The following RAP1GAP2 variants were observed in gnomAD, a reference collection of about 807,000 sequenced individuals.
RAP1GAP2 encodes RAP1 GTPase activating protein 2.
Under a neutral mutation model 95.0 loss-of-function variants are expected in RAP1GAP2, and 27 were observed. The observed-to-expected ratio is 0.28, with a 90% CI of 0.21 to 0.39. The LOEUF (loss-of-function observed/expected upper bound fraction) is 0.39. Ranked by LOEUF, RAP1GAP2 falls within the 10% of genes least tolerant of loss-of-function variation. RAP1GAP2 has a pLI of 1.00. For synonymous variants in RAP1GAP2, 373 were observed against 380.9 expected (o/e 0.98, Z 0.24); for missense variants, 771 against 970.0 (o/e 0.79, Z 2.72).
At chr17:2,884,524 C>T (rs1320817466) in intron 2 of RAP1GAP2, among the ~76,000 whole-genome samples, 1 of 151,850 alleles carries the variant, frequency 6.6e-6, no homozygotes, top group Non-Finnish European at 1.5e-5. Context: ...AGGCGTGCAC[C>T]ACTATGCCTG....
At chr17:2,977,390 TCACAGA>T (rs767632412) in intron 8 of RAP1GAP2, among the ~76,000 whole-genome samples, 11 of 152,128 alleles carry the variant, frequency 7.2e-5, no homozygotes, top group Non-Finnish European at 1.3e-4. Flanking sequence ...CCCAGAGATG[TCACAGA>T]CTAGTTTTAG....
chr17:2,859,053 C>G (rs2072263060), intron 2 of RAP1GAP2, among the ~76,000 whole-genome samples: 1 of 150,592 alleles, frequency 6.6e-6, no homozygotes, highest in Non-Finnish European at 1.5e-5. Flanking sequence ...AGTCAGAATT[C>G]AAACAATACT....
At chr17:2,973,324 T>C (rs1184012398) in intron 8 of RAP1GAP2, among the ~76,000 whole-genome samples, 1 of 152,152 alleles carries the variant, frequency 6.6e-6, no homozygotes, top group Non-Finnish European at 1.5e-5. Flanking sequence ...GAGACCAGGC[T>C]GGCCAATGTG....
intron 2 of RAP1GAP2, among the ~76,000 whole-genome samples, chr17:2,893,673 T>C (rs1343125787): frequency 6.6e-6 from 1 of 152,240 alleles, no homozygotes; most frequent in Non-Finnish European, 1.5e-5. Flanking sequence ...GGCCGTGACC[T>C]TGTGCGCTGG....
intron 2 of RAP1GAP2, among the ~76,000 whole-genome samples, chr17:2,894,266 CTAAAAATA>C (rs2073815309): frequency 6.6e-6 from 1 of 152,176 alleles, no homozygotes; most frequent in Admixed American, 6.5e-5. Flanking sequence ...CCCATCTCTA[CTAAAAATA>C]CAAAACTTAG....
In RAP1GAP2 at chr17:2,899,918, A is replaced by G. The variant is rs1023940095; in HGVS notation, c.81-5366A>G. Reference sequence around the variant, plus strand: ...ATTTTATTTATCTGTTCGTTGGCGGATGGACACTTGGATTGCTTCCCCCTT... The same window carrying G: ...ATTTTATTTATCTGTTCGTTGGCGGGTGGACACTTGGATTGCTTCCCCCTT... On this transcript the variant is annotated intron_variant, in intron 2 of 24. Transcript: ENST00000254695. Among the ~76,000 whole-genome samples, 5 of 152,306 alleles carry G rather than the reference A, an allele frequency of 3.3e-5. No homozygotes were observed. The East Asian group carries it at 7.7e-4, about 23-fold the overall frequency.
chr17:2,841,432 T>C (rs935640827), intron 2 of RAP1GAP2, among the ~76,000 whole-genome samples: 1 of 150,360 alleles, frequency 6.7e-6, no homozygotes, highest in Non-Finnish European at 1.5e-5. Context: ...GCCTCCTGAG[T>C]AGCTGGGACT....
At position 2,864,950 on chromosome 17, in the gene RAP1GAP2, C is replaced by G. The variant is rs2072564026; in HGVS notation, c.81-40334C>G. Reference sequence around the variant, plus strand: ...GTGGATCCCCGCTCTGGGCCTGCACCTGCCTGGTACTTATGCTTCACTTAC... The same window carrying G: ...GTGGATCCCCGCTCTGGGCCTGCACGTGCCTGGTACTTATGCTTCACTTAC... On this transcript the variant is annotated intron_variant, in intron 2 of 24. Coordinates refer to ENST00000254695, the MANE Select transcript of RAP1GAP2 (RefSeq NM_015085.5). 2.6e-5 allele frequency among the ~76,000 whole-genome samples: 4 copies of G among 152,210 alleles called. No homozygotes were observed. In the South Asian group the frequency reaches 8.3e-4, roughly 32 times the overall value.
intron 2 of RAP1GAP2, chr17:2,770,578 G>C (rs1314900485): frequency 2.5e-6 from 1 of 396,800 alleles, no homozygotes; most frequent in South Asian, 1.4e-4. Context: ...TGATGGGGAG[G>C]CCTTCTAGGA....
chr17:2,923,245 G>A (rs1272240336), intron 3 of RAP1GAP2, among the ~76,000 whole-genome samples: 7 of 151,754 alleles, frequency 4.6e-5, no homozygotes, highest in Non-Finnish European at 1.0e-4. Context: ...TCACCATGTC[G>A]GCCAGGCTGG....
At chr17:2,942,518 A>T (rs2043535052) in intron 3 of RAP1GAP2, among the ~76,000 whole-genome samples, 1 of 152,068 alleles carries the variant, frequency 6.6e-6, no homozygotes, top group Non-Finnish European at 1.5e-5. Flanking sequence ...TATTTTGAAA[A>T]CTTCAGCAAC....
chr17:2,978,843 G>C (rs1026672246), intron 8 of RAP1GAP2, among the ~76,000 whole-genome samples: 2 of 152,076 alleles, frequency 1.3e-5, no homozygotes, highest in Non-Finnish European at 2.9e-5. Flanking sequence ...CCTAAGGCGG[G>C]AGAATCTCTT....
intron 1 of RAP1GAP2, chr17:2,755,800 GC>G: frequency 2.8e-6 from 1 of 352,966 alleles, no homozygotes; most frequent in East Asian, 4.2e-5. Context: ...GGGGCCTAAT[GC>G]GGGAGCGAAC....
chr17:2,984,968 T>C lies in RAP1GAP2; in HGVS notation c.730-15T>C. ...TAACAAATGTTGATTTTTTTTTTCT[T>C]GCCACATTTTCCAGGCCTCCCAAAT... On this transcript the variant is annotated splice_polypyrimidine_tract_variant and intron_variant, in intron 10 of 24. Transcript: ENST00000254695. The C allele has an allele frequency of 1.2e-6, 2 of 1,604,030 alleles. No individual in the cohort carries two copies. The highest frequency in any genetic ancestry group is 1.7e-6 in the Non-Finnish European group (2 of 1,176,436).
At chr17:2,883,547 C>CCT (rs147895965) in intron 2 of RAP1GAP2, among the ~76,000 whole-genome samples, 2 of 152,268 alleles carry the variant, frequency 1.3e-5, no homozygotes, top group African/African-American at 4.8e-5. Context: ...TTCTGTCTTT[C>CCT]CTCTCTCTCT....
In RAP1GAP2 at chr17:2,977,005, C is replaced by T. The variant is rs533802054; in HGVS notation, c.597-3282C>T. The stretch of plus-strand genomic sequence containing the variant: ...CAAAAAAATTAGTCAGGCGAGTTGG[C>T]GGGCACCTGTAATTCCAGCTACTCG... On this transcript the variant is annotated intron_variant, in intron 8 of 24. Transcript: ENST00000254695. Among the ~76,000 whole-genome samples, 271 of 151,496 alleles carry T rather than the reference C, an allele frequency of 1.8e-3. 1 individual carries two copies. The highest frequency in any genetic ancestry group is 3.0e-3 in the Non-Finnish European group (201 of 67,844).
In RAP1GAP2 at chr17:3,020,640, G is replaced by A. The variant is rs757303928; in HGVS notation, c.1751+45G>A. The A allele has an allele frequency of 2.0e-5, 30 of 1,534,656 alleles. No homozygotes were observed. In the South Asian group the frequency reaches 3.1e-4, roughly 16 times the overall value. On this transcript the variant is annotated intron_variant, in intron 19 of 24. Transcript: ENST00000254695. The stretch of plus-strand genomic sequence containing the variant: ...TACCCCAGCCTGACTTGCGGGGTCT[G>A]TCAACCCCCTCCACTGCTACAGCTG...
intron 1 of RAP1GAP2, among the ~76,000 whole-genome samples, chr17:2,762,130 G>T (rs2071265012): frequency 6.6e-6 from 1 of 151,080 alleles, no homozygotes. Context: ...TGGGACTACA[G>T]GCGCCCGCCA....
intron 19 of RAP1GAP2, among the ~76,000 whole-genome samples, chr17:3,024,357 C>T (rs1197674118): frequency 6.6e-6 from 1 of 152,158 alleles, no homozygotes; most frequent in Non-Finnish European, 1.5e-5. Flanking sequence ...ACACTTCACA[C>T]CTCTAGGATG....
Sources: gnomAD v4.1 joint callset for allele counts (sites outside exome capture counted in the v4.1 genomes callset) on GRCh38, gnomAD v4.1.1 for gene constraint, MANE v1.5 for transcripts, NCBI Gene and HGNC (gene_info 2026-07-23, HGNC 2026-07-21) for gene names.